The following LRRC56 variants were observed in gnomAD, a reference collection of about 807,000 sequenced individuals.
LRRC56 encodes leucine rich repeat containing 56.
LRRC56 carries 41 observed loss-of-function variants against 47.8 expected under a neutral mutation model. The observed-to-expected ratio is 0.86, with a 90% confidence interval of 0.67 to 1.11. LRRC56 has a LOEUF of 1.11. Ranked by LOEUF, LRRC56 falls within the 50% of genes most tolerant of loss-of-function variation. The probability of loss-of-function intolerance (pLI) is 0.00; values close to 1 mark genes in which losing one functional copy is unlikely to be tolerated. For missense variants in LRRC56, 759 were observed against 704.2 expected, an observed-to-expected ratio of 1.08 and a Z score of -0.88; for synonymous variants, 387 against 311.2, an observed-to-expected ratio of 1.24 and a Z score of -2.56.
At chr11:518,912 T>C in the LRRC56 span, among the ~76,000 whole-genome samples, 200 of 143,092 alleles carry the variant, frequency 1.4e-3, 1 homozygote, top group East Asian at 0.023. Context: ...CGGGGGGGCG[T>C]GTCTCCCGGT....
chr11:554,659 G>A lies in LRRC56; in HGVS notation c.*383G>A, dbSNP rs11246184. 199,392 of 388,644 alleles carry A rather than the reference G, an allele frequency of 0.51. 54,207 individuals are homozygous for A. The highest frequency in any genetic ancestry group is 0.65 in the East Asian group (14,655 of 22,486). The allele number at this position is 388,644 out of a possible 1,614,324, so 24.1% of individuals were successfully genotyped here. On this transcript the variant is annotated 3_prime_UTR_variant, in exon 14 of 14. Coordinates refer to ENST00000270115, the MANE Select transcript of LRRC56 (RefSeq NM_198075.4). The stretch of plus-strand genomic sequence containing the variant: ...GCTGCGAGTCCACCACTCCCTTGCC[G>A]GCCCCAGGGTAAGAGCCACCTCCTA...
At chr11:551,344 C>T (rs1359955768) in intron 9 of LRRC56, 42 bp downstream of exon 9, 1 of 1,404,456 alleles carries the variant, frequency 7.1e-7, no homozygotes, top group Non-Finnish European at 9.6e-7. Context: ...TGAGCCCCAG[C>T]TCCCCCCAGG....
the LRRC56 span, among the ~76,000 whole-genome samples, chr11:525,088 C>G: frequency 3.0e-5 from 4 of 134,846 alleles, no homozygotes. Flanking sequence ...AAGCAAGACT[C>G]CGTCTCAAAA....
At chr11:534,147 TC>T, upstream of LRRC56, 1 of 1,352,600 alleles carries the variant, frequency 7.4e-7, no homozygotes, top group Admixed American at 1.7e-5. Context: ...GCCAGCCCTA[TC>T]CTGGCTGTGT....
chr11:525,619 G>A, the LRRC56 span, among the ~76,000 whole-genome samples: 50 of 152,214 alleles, frequency 3.3e-4, no homozygotes, highest in African/African-American at 1.2e-3. Context: ...CAAAGGGCTG[G>A]GTGAAGTGGC....
At chr11:535,489 G>A (rs538573448), upstream of LRRC56, 1 of 147,348 alleles carries the variant, frequency 6.8e-6, no homozygotes, top group Non-Finnish European at 1.5e-5. Flanking sequence ...GGGGGCGCGC[G>A]GTTCGCCCCG....
the LRRC56 span, among the ~76,000 whole-genome samples, chr11:521,169 G>A: frequency 6.6e-6 from 1 of 152,124 alleles, no homozygotes; most frequent in African/African-American, 2.4e-5. Flanking sequence ...CTCCCTCCCC[G>A]CTCCAGACCT....
chr11:554,001 C>T lies in LRRC56; in HGVS notation c.1354C>T (p.Pro452Ser), dbSNP rs1401172314. The T allele has an allele frequency of 1.9e-6, 3 of 1,612,266 alleles. No individual in the cohort carries two copies. The highest frequency in any genetic ancestry group is 1.7e-5 in the Admixed American group (1 of 59,976). The change falls in exon 14 of 14, where the codon CCT becomes TCT. Residue 452 changes from proline to serine, a missense_variant. Transcript: ENST00000270115. The stretch of plus-strand genomic sequence containing the variant: ...CTCGAGCCAGCACCTGGTCCCTTCA[C>T]CTCCCAAGCACCCAAGGCCACGAGA... ...GTSSQHLVPS[P>S]PKHPRPRDSG...
intron 13 of LRRC56, 147 bp from the exon 14 acceptor site, chr11:553,816 G>A (rs961807585): frequency 1.3e-5 from 9 of 691,818 alleles, no homozygotes; most frequent in Admixed American, 1.3e-4. Flanking sequence ...AACACAGAAA[G>A]TGGGGTGCAG....
rs929084034 is a variant in LRRC56 at position 541,732 on chromosome 11, C to T, written c.265+108C>T. On this transcript the variant is annotated intron_variant, in intron 5 of 13. Transcript: ENST00000270115. This position sits in a 1 kb window ranked among gnomAD's most constrained non-coding sequence, Gnocchi z 4.1. ...AAAGCTGTCCTCACCTCTCGGGCCG[C>T]GTATCGGCTTCCTTAGGGTTGGCCT... The T allele has an allele frequency of 1.2e-5, 8 of 677,878 alleles. No homozygotes were observed. The highest frequency in any genetic ancestry group is 2.5e-4 in the Middle Eastern group (1 of 3,990). The allele number at this position is 677,878 out of a possible 1,614,324, so 42.0% of individuals were successfully genotyped here. A position where few individuals can be genotyped will look rare whatever the true frequency, so the allele number is the denominator to read the frequency against.
At chr11:539,017 G>A (rs898201674) in intron 2 of LRRC56, among the ~76,000 whole-genome samples, 157 bp downstream of exon 2, 7 of 152,240 alleles carry the variant, frequency 4.6e-5, no homozygotes, top group African/African-American at 1.7e-4. Flanking sequence ...GAGCACACTT[G>A]TCACTCCACG....
the LRRC56 span, among the ~76,000 whole-genome samples, chr11:523,659 G>T: frequency 6.6e-6 from 1 of 150,456 alleles, no homozygotes; most frequent in Non-Finnish European, 1.5e-5. Context: ...GGGGCCGGGC[G>T]CGGTGGCTCA....
At chr11:509,764 C>T in the LRRC56 span, among the ~76,000 whole-genome samples, 8 of 144,812 alleles carry the variant, frequency 5.5e-5, no homozygotes, top group South Asian at 1.3e-3. Flanking sequence ...AGGGTTTCAG[C>T]GTGTTAGCCA....
Position 544,708 on chromosome 11 carries a change from G to C in LRRC56, c.266-12G>C, listed in dbSNP as rs367877759. 9.3e-6 allele frequency: 15 copies of C among 1,612,488 alleles called. No homozygotes were observed. Among genetic ancestry groups the C allele is most frequent in the South Asian group, 1.1e-5 (1 of 91,082 alleles). Reference sequence around the variant, plus strand: ...GGGGCCGGGCCAACCTCCTCCTCCTGTGGCCATACAGGGGTGCACCTGCCC... The same window carrying C: ...GGGGCCGGGCCAACCTCCTCCTCCTCTGGCCATACAGGGGTGCACCTGCCC... On this transcript the variant is annotated splice_polypyrimidine_tract_variant and intron_variant, in intron 5 of 13. Coordinates refer to ENST00000270115, the MANE Select transcript of LRRC56 (RefSeq NM_198075.4).
the LRRC56 span, among the ~76,000 whole-genome samples, chr11:531,881 G>T: frequency 6.6e-6 from 1 of 152,348 alleles, no homozygotes. Context: ...AGCAAGTCAG[G>T]AAAGGTGATG....
intron 6 of LRRC56, among the ~76,000 whole-genome samples, chr11:548,069 T>G (rs184807792): frequency 7.2e-5 from 11 of 152,072 alleles, no homozygotes; most frequent in Admixed American, 6.6e-4. Context: ...GAGGTTGCAG[T>G]GAGCCAAGAT....
the LRRC56 span, among the ~76,000 whole-genome samples, chr11:527,567 T>G: frequency 6.6e-6 from 1 of 152,170 alleles, no homozygotes; most frequent in Non-Finnish European, 1.5e-5. Context: ...AGTCTTGCTC[T>G]GTCCCCCAGG....
rs928753283 is a variant in LRRC56 at position 541,283 on chromosome 11, G to C, written c.178-254G>C. Among the ~76,000 whole-genome samples the C allele has an allele frequency of 6.6e-6, 1 of 152,152 alleles. No homozygotes were observed. The highest frequency in any genetic ancestry group is 1.5e-5 in the Non-Finnish European group (1 of 68,006). ...GCCGGGTGTGGTGTGTCTGCCCTGG[G>C]AGTCTCTCTGGAGACGGGCAGCCCC... is the stretch of plus-strand genomic sequence containing the variant. On this transcript the variant is annotated intron_variant, in intron 4 of 13. Coordinates refer to ENST00000270115, the MANE Select transcript of LRRC56 (RefSeq NM_198075.4). This position sits in a 1 kb window ranked among gnomAD's most constrained non-coding sequence, Gnocchi z 4.1.
Position 554,181 on chromosome 11 carries a change from G to A in LRRC56, c.1534G>A (p.Ala512Thr), listed in dbSNP as rs745497752. The A allele has an allele frequency of 2.5e-5, 40 of 1,571,592 alleles. No individual in the cohort carries two copies. The highest frequency in any genetic ancestry group is 3.4e-5 in the Non-Finnish European group (40 of 1,160,294). Reference protein sequence around the residue: ...LEVASRLSPRAQGCPGPKPAP... With the variant: ...LEVASRLSPRTQGCPGPKPAP... ...GGTGGCCTCACGCCTGAGCCCTCGA[G>A]CCCAGGGATGTCCTGGCCCAAAGCC... The change falls in exon 14 of 14, where the codon GCC becomes ACC. Residue 512 changes from alanine to threonine, a missense_variant. Physicochemically the swap from Ala to Thr is moderately conservative, Grantham distance 58 (BLOSUM62 0). Transcript: ENST00000270115.
Sources: allele counts gnomAD v4.1 joint callset (sites outside exome capture counted in the v4.1 genomes callset), GRCh38; gene constraint gnomAD v4.1.1; non-coding constraint Gnocchi (gnomAD v3.1); transcripts MANE v1.5; gene names NCBI Gene and HGNC (gene_info 2026-07-23, HGNC 2026-07-21).